NAGLU: variants seen among roughly 807,000 people sequenced by gnomAD.
The protein encoded by NAGLU is alpha-N-acetylglucosaminidase.
Under a neutral mutation model 43.4 loss-of-function variants are expected in NAGLU, and 34 were observed. The observed-to-expected ratio is 0.78, with a 90% CI of 0.60 to 1.04. The LOEUF (loss-of-function observed/expected upper bound fraction) is 1.04. Ranked by LOEUF, NAGLU falls within the 50% of genes least tolerant of loss-of-function variation. NAGLU has a pLI of 0.00. For missense variants in NAGLU, 910 were observed against 993.7 expected, an observed-to-expected ratio of 0.92 and a Z score of 1.13; for synonymous variants, 425 against 437.6, an observed-to-expected ratio of 0.97 and a Z score of 0.36.
chr17:42,540,564 C>T (rs559843148), intron 4 of NAGLU, among the ~76,000 whole-genome samples: 3 of 151,614 alleles, frequency 2.0e-5, no homozygotes, highest in East Asian at 1.9e-4. Flanking sequence ...GGTGTGGTGG[C>T]GGGCACCTGT....
chr17:42,536,566 CTGCCACGTGG>C lies in NAGLU; in HGVS notation c.295_304del (p.Cys99ProfsTer20). On this transcript the variant is annotated frameshift_variant, in exon 1 of 6. Transcript: ENST00000225927. LOFTEE classifies it high-confidence loss of function. ...ACCGCTACCTGCGCGACTTCTGTGGCTGCCACGTGGCCTGGTCCGGCTCTCAGCTGCGCCT... is the reference window on the plus strand; with the variant it reads ...ACCGCTACCTGCGCGACTTCTGTGGCCCTGGTCCGGCTCTCAGCTGCGCCT... 1 of 1,480,436 alleles carries C rather than the reference CTGCCACGTGG, an allele frequency of 6.8e-7. No homozygotes were observed. The highest frequency in any genetic ancestry group is 1.3e-5 in the South Asian group (1 of 77,720). 91.7% of individuals were successfully genotyped at this position (1,480,436 alleles called of 1,614,324 possible).
intron 4 of NAGLU, among the ~76,000 whole-genome samples, chr17:42,540,745 A>C (rs1324845674): frequency 1.3e-5 from 2 of 151,438 alleles, no homozygotes; most frequent in African/African-American, 4.8e-5. Context: ...GTTTCAGGCC[A>C]CAGGAAGGGG....
At chr17:42,541,266 G>A (rs1436406950) in intron 5 of NAGLU, 60 bp downstream of exon 5, 3 of 1,600,548 alleles carry the variant, frequency 1.9e-6, no homozygotes, top group African/African-American at 1.3e-5. Context: ...GGGAGTAGCA[G>A]ATGTCAGTAG....
rs922118065 is a variant in NAGLU, at chr17:42,543,279, G to A, written c.1273G>A (p.Gly425Arg). 7 of 1,613,866 alleles carry A rather than the reference G, an allele frequency of 4.3e-6. No individual in the cohort carries two copies. The highest frequency in any genetic ancestry group is 1.6e-4 in the Middle Eastern group (1 of 6,084). ...TTTTGGAGCCCTAGAGGCTGTGAAC[G>A]GAGGCCCAGAAGCTGCCCGCCTCTT... ...GLFGALEAVN[G>R]GPEAARLFPN... is the part of the protein sequence containing the mutation. The change falls in exon 6 of 6, where the codon GGA (glycine) becomes AGA (arginine). Residue 425 changes from glycine (G) to arginine (R), a missense_variant. Physicochemically the swap from Gly to Arg is moderately radical, Grantham distance 125. Coordinates refer to ENST00000225927, the MANE Select transcript of NAGLU (RefSeq NM_000263.4).
chr17:42,542,186 C>T (rs1468589079), intron 5 of NAGLU, among the ~76,000 whole-genome samples: 1 of 152,100 alleles, frequency 6.6e-6, no homozygotes, highest in African/African-American at 2.4e-5. Context: ...CCTCAGCCTC[C>T]TGAGTAGCTG....
Position 42,544,288 on chromosome 17 carries a change from C to G in NAGLU, c.*50C>G, listed in dbSNP as rs764082137. The G allele has an allele frequency of 6.9e-6, 11 of 1,600,270 alleles. No individual in the cohort carries two copies. The highest frequency in any genetic ancestry group is 5.1e-6 in the Non-Finnish European group (6 of 1,179,746). ...TTTTCCGCTAATTCCAGGGCAGATT[C>G]CAGGGCCCAGAGCTGGACAGACATC... On this transcript the variant is annotated 3_prime_UTR_variant, in exon 6 of 6. Transcript: ENST00000225927.
rs1231094627 is a variant in NAGLU at position 42,543,062 on chromosome 17, G to C, written c.1056G>C (p.Trp352Cys). ...DTEAVWLLQG[W>C]LFQHQPQFWG... ...AGGCTGTGTGGCTGCTCCAAGGCTG[G>C]CTCTTCCAGCACCAGCCGCAGTTCT... is the stretch of plus-strand genomic sequence containing the variant. The change falls in exon 6 of 6, where the codon TGG (tryptophan) becomes TGC (cysteine). Residue 352 changes from tryptophan to cysteine, a missense_variant. By Grantham distance (215) the Trp-to-Cys change is radical. Coordinates refer to ENST00000225927, the MANE Select transcript of NAGLU (RefSeq NM_000263.4). 1 of 1,607,046 alleles carries C rather than the reference G, an allele frequency of 6.2e-7. No homozygotes were observed. Among genetic ancestry groups the C allele is most frequent in the Non-Finnish European group, 8.5e-7 (1 of 1,180,026 alleles).
chr17:42,543,121 C>A lies in NAGLU; in HGVS notation c.1115C>A (p.Ala372Asp). 6.2e-7 allele frequency: 1 copy of A among 1,613,390 alleles called. No homozygotes were observed. Among genetic ancestry groups the A allele is most frequent in the Non-Finnish European group, 8.5e-7 (1 of 1,180,050 alleles). Residue 372 changes from alanine to aspartate, a missense_variant, in exon 6 of 6, where the codon GCT becomes GAT. Physicochemically the swap from Ala to Asp is moderately radical, Grantham distance 126. Coordinates refer to ENST00000225927, the MANE Select transcript of NAGLU (RefSeq NM_000263.4). ...GPAQIRAVLG[A>D]VPRGRLLVLD... ...GCCCAGATCAGGGCTGTGCTGGGAG[C>A]TGTGCCCCGTGGCCGCCTCCTGGTT...
rs78885664 is a variant in NAGLU at position 42,536,791 on chromosome 17, C to T, written c.383+136C>T. On this transcript the variant is annotated intron_variant, in intron 1 of 5. Coordinates refer to ENST00000225927, the MANE Select transcript of NAGLU (RefSeq NM_000263.4). ...GCGCCGCCTCCAGCAGCTGTGTGGC[C>T]TTGAGCCAGCCACTCTGCCTTTCAG... 2,302 of 1,330,778 alleles carry T rather than the reference C, an allele frequency of 1.7e-3. 50 individuals carry two copies. The African/African-American group carries it at 0.032, about 18-fold the overall frequency. The allele number at this position is 1,330,778 out of a possible 1,614,324, so 82.4% of individuals were successfully genotyped here. A position where few individuals can be genotyped will look rare whatever the true frequency, so the allele number is the denominator to read the frequency against.
At position 42,543,186 on chromosome 17, in the gene NAGLU, A is replaced by G. The variant is rs1188105904; in HGVS notation, c.1180A>G (p.Thr394Ala). Reference sequence around the variant, plus strand: ...TGAGAGCCAGCCTGTGTATACCCGCACTGCCTCCTTCCAGGGCCAGCCCTT... The same window carrying G: ...TGAGAGCCAGCCTGTGTATACCCGCGCTGCCTCCTTCCAGGGCCAGCCCTT... ...FAESQPVYTR[T>A]ASFQGQPFIW... The change falls in exon 6 of 6, where the codon ACT becomes GCT. Residue 394 changes from threonine to alanine, a missense_variant. Physicochemically the swap from Thr to Ala is moderately conservative, Grantham distance 58. Transcript: ENST00000225927. 4.3e-6 allele frequency: 7 copies of G among 1,614,074 alleles called. No individual in the cohort carries two copies. The African/African-American group carries it at 5.3e-5, about 12-fold the overall frequency.
At chr17:42,536,727 G>C in intron 1 of NAGLU, 72 bp downstream of exon 1, 4 of 1,360,634 alleles carry the variant, frequency 2.9e-6, no homozygotes, top group Non-Finnish European at 3.8e-6. Context: ...CACCCAAATC[G>C]GGAGGCTGAG....
chr17:42,536,950 C>T, intron 1 of NAGLU: 2 of 540,744 alleles, frequency 3.7e-6, no homozygotes, highest in Non-Finnish European at 3.1e-6. Context: ...GCCTTCCTCC[C>T]CCACCTTCTC....
At chr17:42,537,227 G>A (rs2143080553) in intron 1 of NAGLU, 171 bp from the exon 2 acceptor site, 1 of 955,882 alleles carries the variant, frequency 1.0e-6, no homozygotes, top group Non-Finnish European at 1.6e-6. Context: ...TGCCTCAGAA[G>A]CCCAGCCCCG....
In NAGLU at chr17:42,543,864, A is replaced by G. The variant is rs777994015; in HGVS notation, c.1858A>G (p.Ser620Gly). The G allele has an allele frequency of 6.2e-7, 1 of 1,602,630 alleles. No homozygotes were observed. The highest frequency in any genetic ancestry group is 1.3e-5 in the African/African-American group (1 of 74,742). ...LASDSRFLLG[S>G]WLEQARAAAV... Reference sequence around the variant, plus strand: ...TAGTGACAGCCGCTTCTTGCTGGGCAGCTGGCTAGAGCAGGCCCGAGCAGC... The same window carrying G: ...TAGTGACAGCCGCTTCTTGCTGGGCGGCTGGCTAGAGCAGGCCCGAGCAGC... Residue 620 changes from serine to glycine, a missense_variant, in exon 6 of 6, where the codon AGC becomes GGC. By Grantham distance (56) the Ser-to-Gly change is moderately conservative. Transcript: ENST00000225927.
In NAGLU at chr17:42,544,119, G is replaced by A. The variant is rs1364203992; in HGVS notation, c.2113G>A (p.Glu705Lys). The stretch of plus-strand genomic sequence containing the variant: ...GTTTGACAAAAATGTCTTCCAACTG[G>A]AGCAGGCCTTCGTTCTCAGCAAGCA... Reference protein sequence around the residue: ...HQFDKNVFQLEQAFVLSKQRY... With the variant: ...HQFDKNVFQLKQAFVLSKQRY... Residue 705 changes from glutamate (E) to lysine (K), a missense_variant, in exon 6 of 6, where the codon GAG becomes AAG. Glu to Lys is a moderately conservative substitution (Grantham distance 56, BLOSUM62 1). Transcript: ENST00000225927. 3 of 1,614,110 alleles carry A rather than the reference G, an allele frequency of 1.9e-6. No individual in the cohort carries two copies. Among genetic ancestry groups the A allele is most frequent in the Non-Finnish European group, 2.5e-6 (3 of 1,180,026 alleles).
At chr17:42,537,807 C>G (rs974927741) in intron 2 of NAGLU, among the ~76,000 whole-genome samples, 1 of 150,796 alleles carries the variant, frequency 6.6e-6, no homozygotes, top group Non-Finnish European at 1.5e-5. Flanking sequence ...GAAACCCCGT[C>G]TCTACTAAAA....
In NAGLU at chr17:42,536,385, G is replaced by C; in HGVS notation, c.113G>C (p.Arg38Pro). 1.7e-6 allele frequency: 2 copies of C among 1,195,686 alleles called. No homozygotes were observed. Among genetic ancestry groups the C allele is most frequent in the East Asian group, 3.9e-5 (1 of 25,940 alleles). 74.1% of individuals were successfully genotyped at this position (1,195,686 alleles called of 1,614,324 possible). The change falls in exon 1 of 6, where the codon CGG becomes CCG. Residue 38 changes from arginine (R) to proline (P), a missense_variant. Transcript: ENST00000225927. ...GCGGCCGTGCGGGCGCTCGTGGCCC[G>C]GCTGCTGGGGCCAGGCCCCGCGGCC... ...EAAAVRALVA[R>P]LLGPGPAADF...
chr17:42,537,759 G>A (rs564002057), intron 2 of NAGLU, among the ~76,000 whole-genome samples: 47 of 152,050 alleles, frequency 3.1e-4, no homozygotes, highest in Admixed American at 2.9e-3. Context: ...GGGCGGATCA[G>A]GAGTTCAGGA....
chr17:42,537,352 G>A (rs765309400), intron 1 of NAGLU, 46 bp from the exon 2 acceptor site: 4 of 1,613,362 alleles, frequency 2.5e-6, no homozygotes, highest in South Asian at 1.1e-5. Context: ...CAGGGCCGTG[G>A]ACCCTCCAGG....
Sources: allele counts gnomAD v4.1 joint callset (sites outside exome capture counted in the v4.1 genomes callset), GRCh38; gene constraint gnomAD v4.1.1; transcripts MANE v1.5; gene names NCBI Gene and HGNC (gene_info 2026-07-23, HGNC 2026-07-21).